COPS7B: variants seen among roughly 807,000 people sequenced by gnomAD.
COPS7B encodes COP9 signalosome subunit 7B.
COPS7B carries 9 observed loss-of-function variants against 33.4 expected under a neutral mutation model. That is an observed-to-expected ratio of 0.27 (90% CI 0.16 to 0.47). The LOEUF (loss-of-function observed/expected upper bound fraction) is 0.47. Ranked by LOEUF, COPS7B falls within the 20% of genes least tolerant of loss-of-function variation. The pLI is 0.99. For synonymous variants in COPS7B, 119 were observed against 126.3 expected (o/e 0.94, Z 0.39); for missense variants, 242 against 318.2 (o/e 0.76, Z 1.82).
chr2:231,804,785 T>C (rs1361471902), intron 6 of COPS7B, among the ~76,000 whole-genome samples: 1 of 152,224 alleles, frequency 6.6e-6, no homozygotes, highest in East Asian at 1.9e-4. Context: ...GATTAAAATT[T>C]TGTCAGCTTT....
At chr2:231,786,909 C>A (rs914725217) in intron 1 of COPS7B, among the ~76,000 whole-genome samples, 2 of 152,254 alleles carry the variant, frequency 1.3e-5, no homozygotes, top group Non-Finnish European at 2.9e-5. Flanking sequence ...CTGTCTCCGT[C>A]TCTTTACATT....
chr2:231,804,603 A>G (rs934369686), intron 6 of COPS7B, among the ~76,000 whole-genome samples: 5 of 150,586 alleles, frequency 3.3e-5, no homozygotes, highest in Non-Finnish European at 7.3e-5. Context: ...ATAAGGCTAA[A>G]TAGTGCTTAT....
At chr2:231,795,991 C>A in intron 4 of COPS7B, 115 bp from the exon 5 acceptor site, 2 of 752,334 alleles carry the variant, frequency 2.7e-6, no homozygotes, top group Non-Finnish European at 4.5e-6. Flanking sequence ...TAATAATTAC[C>A]ACTAGCCTGC....
chr2:231,797,638 C>T (rs2049611248), intron 5 of COPS7B, among the ~76,000 whole-genome samples: 1 of 152,182 alleles, frequency 6.6e-6, no homozygotes, highest in South Asian at 2.1e-4. Context: ...TCTTACAACT[C>T]ATGTTTAGGC....
At chr2:231,799,530 G>C (rs1253559792) in intron 6 of COPS7B, among the ~76,000 whole-genome samples, 1 of 152,240 alleles carries the variant, frequency 6.6e-6, no homozygotes, top group Admixed American at 6.5e-5. Context: ...GTGAAGTAAA[G>C]AGGATGTAAG....
chr2:231,781,765 G>C, upstream of COPS7B: 1 of 1,468,208 alleles, frequency 6.8e-7, no homozygotes, highest in Non-Finnish European at 9.3e-7. Flanking sequence ...TGAGTTGGTC[G>C]TTTCGGAATC....
upstream of COPS7B, among the ~76,000 whole-genome samples, chr2:231,782,284 C>T (rs1008750780): frequency 1.3e-5 from 2 of 152,204 alleles, no homozygotes; most frequent in African/African-American, 4.8e-5. Context: ...TTTTCCTATC[C>T]ACTGTTGAAA....
At chr2:231,806,514 C>G (rs547889146) in intron 6 of COPS7B, among the ~76,000 whole-genome samples, 61 of 145,278 alleles carry the variant, frequency 4.2e-4, no homozygotes, top group Admixed American at 1.1e-3. Flanking sequence ...GATTGTGCCA[C>G]TATACTCCAT....
intron 6 of COPS7B, among the ~76,000 whole-genome samples, chr2:231,804,526 C>T (rs1559376543): frequency 1.3e-5 from 2 of 152,122 alleles, no homozygotes; most frequent in Non-Finnish European, 2.9e-5. Flanking sequence ...GGATTACAGG[C>T]GTGAGCCACT....
intron 6 of COPS7B, among the ~76,000 whole-genome samples, chr2:231,804,649 G>GT (rs765194165): frequency 1.6e-4 from 24 of 151,896 alleles, no homozygotes; most frequent in South Asian, 4.1e-4. Context: ...TTTTGGTTTT[G>GT]TTTTTTTAAT....
intron 2 of COPS7B, 97 bp downstream of exon 2, chr2:231,788,829 A>G: frequency 8.5e-7 from 1 of 1,171,274 alleles, no homozygotes; most frequent in Non-Finnish European, 1.2e-6. Context: ...TGAACCTGTG[A>G]GGTACCCTAT....
upstream of COPS7B, among the ~76,000 whole-genome samples, chr2:231,783,044 A>G (rs13424754): frequency 0.31 from 46,558 of 152,052 alleles, 7,222 homozygotes; most frequent in Non-Finnish European, 0.33. Context: ...CCAGTTAAAT[A>G]TAATAATACA....
chr2:231,785,814 C>G (rs1392882210), upstream of COPS7B, among the ~76,000 whole-genome samples: 1 of 152,202 alleles, frequency 6.6e-6, no homozygotes, highest in South Asian at 2.1e-4. Context: ...GCACCAGATG[C>G]AACTCTATCA....
At chr2:231,798,507 G>A (rs1169842086) in intron 5 of COPS7B, among the ~76,000 whole-genome samples, 2 of 151,876 alleles carry the variant, frequency 1.3e-5, no homozygotes, top group African/African-American at 2.4e-5. Flanking sequence ...CACCCACCTC[G>A]GCCTCTCAAA....
At chr2:231,786,592 A>T in intron 1 of COPS7B, 54 bp downstream of exon 1, 1 of 886,028 alleles carries the variant, frequency 1.1e-6, no homozygotes, top group South Asian at 5.2e-5. Context: ...AGGCTCGGCC[A>T]GACGATCCGG....
chr2:231,809,034 G>T lies in COPS7B; in HGVS notation c.*1389G>T, dbSNP rs1320021091. On this transcript the variant is annotated 3_prime_UTR_variant, in exon 7 of 7. Coordinates refer to ENST00000350033, the MANE Select transcript of COPS7B (RefSeq NM_022730.4). ...CATGTTTAGCCATGGTCAAAAAATGGATTTCTCCTTTTTCTAAAATGTCCA... is the reference window on the plus strand; with the variant it reads ...CATGTTTAGCCATGGTCAAAAAATGTATTTCTCCTTTTTCTAAAATGTCCA... 1 of 152,316 alleles carries T rather than the reference G, an allele frequency of 6.6e-6. No individual in the cohort carries two copies. The highest frequency in any genetic ancestry group is 1.9e-4 in the East Asian group (1 of 5,204). 9.4% of individuals were successfully genotyped at this position (152,316 alleles called of 1,614,324 possible).
At chr2:231,807,446 A>C in intron 6 of COPS7B, 41 bp from the exon 7 acceptor site, 1 of 1,552,562 alleles carries the variant, frequency 6.4e-7, no homozygotes, top group Non-Finnish European at 8.7e-7. Flanking sequence ...TTTGGTGAGC[A>C]CATACAGGCT....
chr2:231,787,773 G>GT (rs577295116), intron 1 of COPS7B, among the ~76,000 whole-genome samples: 1 of 152,080 alleles, frequency 6.6e-6, no homozygotes, highest in African/African-American at 2.4e-5. Flanking sequence ...TTCTTGTCTG[G>GT]TTTTTTGTTT....
chr2:231,795,318 C>T (rs1047470461), intron 4 of COPS7B, among the ~76,000 whole-genome samples: 1 of 152,188 alleles, frequency 6.6e-6, no homozygotes, highest in Non-Finnish European at 1.5e-5. Context: ...CCATCTCAGC[C>T]TCCCAAAGTG....
Sources: gnomAD v4.1 joint callset for allele counts (sites outside exome capture counted in the v4.1 genomes callset) on GRCh38, gnomAD v4.1.1 for gene constraint, MANE v1.5 for transcripts, NCBI Gene and HGNC (gene_info 2026-07-23, HGNC 2026-07-21) for gene names.